Variants in GLG1 observed in about 807,000 individuals in gnomAD.
The protein encoded by GLG1 is Golgi apparatus protein 1.
In GLG1, 38 loss-of-function variants were observed where a neutral mutation model predicts 160.5. The ratio of observed to expected loss-of-function variants is 0.24; its 90% CI spans 0.18 to 0.31. The LOEUF is 0.31. Among genes scored for constraint, GLG1 ranks in the 10% least tolerant of loss-of-function variants. The probability of loss-of-function intolerance (pLI) is 1.00; values close to 1 mark genes in which losing one functional copy is unlikely to be tolerated. For missense variants in GLG1, 1,373 were observed against 1,505.2 expected (o/e 0.91, Z 1.45); for synonymous variants, 644 against 543.4 (o/e 1.19, Z -2.57).
At chr16:74,566,467 C>G (rs1410729115) in intron 1 of GLG1, among the ~76,000 whole-genome samples, 1 of 152,158 alleles carries the variant, frequency 6.6e-6, no homozygotes, top group Non-Finnish European at 1.5e-5. Context: ...AATTTTTCTC[C>G]TGTATGTCTC....
chr16:74,569,843 C>T (rs1394521262), intron 1 of GLG1, among the ~76,000 whole-genome samples: 1 of 129,874 alleles, frequency 7.7e-6, no homozygotes. Flanking sequence ...GCCTGGGCGA[C>T]AGATTGAAAC....
At chr16:74,467,606 G>A (rs538401944) in intron 18 of GLG1, 150 bp downstream of exon 18, 2 of 570,498 alleles carry the variant, frequency 3.5e-6, no homozygotes, top group African/African-American at 3.8e-5. Context: ...GTTTAAGAAG[G>A]GATTAGGTTG....
At chr16:74,600,164 T>A (rs1378994130) in intron 1 of GLG1, among the ~76,000 whole-genome samples, 2 of 152,232 alleles carry the variant, frequency 1.3e-5, no homozygotes, top group Non-Finnish European at 2.9e-5. Flanking sequence ...TATTTTATAG[T>A]CATATATTTA....
intron 1 of GLG1, among the ~76,000 whole-genome samples, chr16:74,605,516 T>C (rs891304665): frequency 2.6e-5 from 4 of 152,206 alleles, no homozygotes; most frequent in Non-Finnish European, 4.4e-5. Flanking sequence ...ATCCCTCTAG[T>C]CGTTAAGCTG....
chr16:74,577,791 A>AT (rs953642023), intron 1 of GLG1, among the ~76,000 whole-genome samples: 14 of 151,742 alleles, frequency 9.2e-5, no homozygotes, highest in African/African-American at 3.1e-4. Context: ...TTTTATTTTT[A>AT]TTTTTTGTAG....
intron 4 of GLG1, among the ~76,000 whole-genome samples, chr16:74,497,287 A>T (rs1382807949): frequency 3.1e-4 from 5 of 15,954 alleles, no homozygotes; most frequent in African/African-American, 6.6e-4. Context: ...GAAACTCTGT[A>T]AAAAAAACAC....
chr16:74,575,757 A>G (rs1333813881), intron 1 of GLG1, among the ~76,000 whole-genome samples: 1 of 152,196 alleles, frequency 6.6e-6, no homozygotes, highest in Non-Finnish European at 1.5e-5. Context: ...TGCTGTAAAT[A>G]TAGATATCAA....
chr16:74,497,697 A>G (rs2016250239), intron 4 of GLG1, among the ~76,000 whole-genome samples: 1 of 152,138 alleles, frequency 6.6e-6, no homozygotes, highest in Admixed American at 6.5e-5. Context: ...TCGGCCTCCC[A>G]AAGTGCTGGG....
intron 22 of GLG1, among the ~76,000 whole-genome samples, chr16:74,460,781 A>G (rs1022087142): frequency 2.6e-5 from 4 of 152,260 alleles, no homozygotes; most frequent in African/African-American, 9.6e-5. Context: ...CTGAGACTTG[A>G]GTCAGATCTC....
chr16:74,551,398 A>G (rs1371737747), intron 1 of GLG1, among the ~76,000 whole-genome samples: 4 of 150,826 alleles, frequency 2.7e-5, no homozygotes, highest in Non-Finnish European at 4.4e-5. Context: ...CCCCCACCTC[A>G]GCTCAAGCAA....
chr16:74,537,676 T>G (rs2017723972), intron 1 of GLG1, among the ~76,000 whole-genome samples: 1 of 145,320 alleles, frequency 6.9e-6, no homozygotes, highest in African/African-American at 2.6e-5. Context: ...TGCGGTTCTT[T>G]CCAGCTTTAT....
At chr16:74,550,139 G>A (rs2018158826) in intron 1 of GLG1, among the ~76,000 whole-genome samples, 1 of 151,708 alleles carries the variant, frequency 6.6e-6, no homozygotes, top group East Asian at 1.9e-4. Context: ...TAAAAAGAAA[G>A]GGCACAGTGG....
rs141818566 is a variant in GLG1, at chr16:74,472,295, G to A, written c.2115+54C>T. ...GTGAGTCTGAGATACTCAGGGGAGAGTCCCTGTCAATTTGTTTCTGTTTTT... is the reference window on the plus strand; with the variant it reads ...GTGAGTCTGAGATACTCAGGGGAGAATCCCTGTCAATTTGTTTCTGTTTTT... On this transcript the variant is annotated intron_variant, in intron 14 of 25. Coordinates refer to ENST00000422840, the MANE Select transcript of GLG1 (RefSeq NM_001145667.2). The A allele has an allele frequency of 1.9e-4, 221 of 1,163,204 alleles. 3 individuals carry two copies. In the East Asian group the frequency reaches 3.8e-3, roughly 20 times the overall value. 72.1% of individuals were successfully genotyped at this position (1,163,204 alleles called of 1,614,324 possible). A position where few individuals can be genotyped will look rare whatever the true frequency, so the allele number is the denominator to read the frequency against.
chr16:74,546,927 G>C (rs2018064876), intron 1 of GLG1, among the ~76,000 whole-genome samples: 2 of 149,182 alleles, frequency 1.3e-5, no homozygotes, highest in Non-Finnish European at 3.0e-5. Context: ...TGAAAAGAGA[G>C]AGAAGCCTTC....
chr16:74,498,454 ATATATATATATAT>A (rs1233235305), intron 4 of GLG1, among the ~76,000 whole-genome samples: 2 of 96,246 alleles, frequency 2.1e-5, no homozygotes, highest in Non-Finnish European at 4.1e-5. Flanking sequence ...AAAAGTATAT[ATATATATATATAT>A]TATATTTTAT....
intron 1 of GLG1, among the ~76,000 whole-genome samples, chr16:74,562,046 T>C (rs577821107): frequency 6.6e-6 from 1 of 152,360 alleles, no homozygotes; most frequent in African/African-American, 2.4e-5. Context: ...TTCAACACGT[T>C]TTCTGGTAAA....
chr16:74,522,654 T>A (rs890621967), intron 2 of GLG1, among the ~76,000 whole-genome samples: 20 of 152,206 alleles, frequency 1.3e-4, no homozygotes, highest in Admixed American at 1.0e-3. Flanking sequence ...TTTCCATGGT[T>A]TGCCAGTTCA....
intron 1 of GLG1, among the ~76,000 whole-genome samples, chr16:74,567,809 C>A (rs1411102364): frequency 1.3e-5 from 2 of 151,418 alleles, no homozygotes; most frequent in African/African-American, 4.9e-5. Context: ...ACCTCATGAT[C>A]CACCCGCCTC....
chr16:74,563,906 T>C (rs888208461), intron 1 of GLG1, among the ~76,000 whole-genome samples: 1 of 152,142 alleles, frequency 6.6e-6, no homozygotes, highest in Admixed American at 6.5e-5. Context: ...CAGGGAAGTA[T>C]CTGTGAAGTT....
Sources: allele counts gnomAD v4.1 joint callset (sites outside exome capture counted in the v4.1 genomes callset), GRCh38; gene constraint gnomAD v4.1.1; transcripts MANE v1.5; gene names NCBI Gene and HGNC (gene_info 2026-07-23, HGNC 2026-07-21).